The following NEDD4L variants were observed in gnomAD, a reference collection of about 807,000 sequenced individuals.
NEDD4L encodes NEDD4 like E3 ubiquitin protein ligase.
A neutral mutation model predicts 148.9 loss-of-function variants in NEDD4L; 54 were observed. The observed-to-expected ratio is 0.36, with a 90% CI of 0.29 to 0.45. The LOEUF is 0.45. Among genes scored for constraint, NEDD4L ranks in the 20% least tolerant of loss-of-function variants. The pLI is 1.00. For synonymous variants in NEDD4L, 433 were observed against 440.7 expected, an observed-to-expected ratio of 0.98 and a Z score of 0.22; for missense variants, 856 against 1,233.8, an observed-to-expected ratio of 0.69 and a Z score of 4.59.
intron 14 of NEDD4L, 81 bp downstream of exon 14, chr18:58,341,250 A>G: frequency 2.7e-6 from 4 of 1,495,048 alleles, no homozygotes; most frequent in East Asian, 2.4e-5. Flanking sequence ...CCTGGTGTTT[A>G]TGTATTGTTC....
chr18:58,382,485 A>G (rs940027540), intron 24 of NEDD4L, among the ~76,000 whole-genome samples: 1 of 152,144 alleles, frequency 6.6e-6, no homozygotes, highest in Admixed American at 6.5e-5. Context: ...TAGGTGCTAT[A>G]TTTTTCCACC....
chr18:58,187,144 G>T (rs536971301), intron 2 of NEDD4L, among the ~76,000 whole-genome samples: 6 of 152,282 alleles, frequency 3.9e-5, no homozygotes, highest in Admixed American at 3.9e-4. Context: ...CCCACGGAGG[G>T]TCTTCAGAAA....
intron 2 of NEDD4L, among the ~76,000 whole-genome samples, chr18:58,194,428 ATTGCCTTT>A (rs1251484418): frequency 2.0e-5 from 3 of 152,316 alleles, no homozygotes; most frequent in South Asian, 4.1e-4. Flanking sequence ...GTAAGAAATA[ATTGCCTTT>A]TAAAAGGGAG....
At chr18:58,348,296 C>T (rs1431210344) in intron 16 of NEDD4L, among the ~76,000 whole-genome samples, 1 of 148,690 alleles carries the variant, frequency 6.7e-6, no homozygotes, top group African/African-American at 2.5e-5. Context: ...CTGCATCTGG[C>T]CTTACACTGC....
chr18:58,318,298 G>C (rs1391574653), intron 6 of NEDD4L, among the ~76,000 whole-genome samples: 1 of 152,212 alleles, frequency 6.6e-6, no homozygotes, highest in African/African-American at 2.4e-5. Context: ...GCTCATGCCT[G>C]TAACCCCAGC....
chr18:58,291,117 G>A (rs906268256), intron 5 of NEDD4L, among the ~76,000 whole-genome samples: 18 of 147,326 alleles, frequency 1.2e-4, no homozygotes, highest in Admixed American at 4.1e-4. Context: ...CAGGCCGACC[G>A]ACCCACGTGG....
chr18:58,120,550 C>A (rs868528878), intron 1 of NEDD4L, among the ~76,000 whole-genome samples: 1 of 152,124 alleles, frequency 6.6e-6, no homozygotes, highest in African/African-American at 2.4e-5. Context: ...GAGGCTGAGG[C>A]GGGCGGATCA....
chr18:58,047,659 C>A, intron 1 of NEDD4L: 1 of 278,874 alleles, frequency 3.6e-6, no homozygotes, highest in Non-Finnish European at 5.4e-6. Flanking sequence ...AGATTCAAAA[C>A]CATCAGATGA....
chr18:58,081,239 G>A (rs1441461672), intron 1 of NEDD4L, among the ~76,000 whole-genome samples: 3 of 109,194 alleles, frequency 2.7e-5, no homozygotes, highest in Admixed American at 1.1e-4. Context: ...TTTTTGAGAT[G>A]GAGTCACGCT....
rs1290617801 is a variant in NEDD4L, at chr18:58,256,817, T to C, written c.297+4763T>C. The C allele has an allele frequency of 8.1e-7, 1 of 1,227,582 alleles. No individual in the cohort carries two copies. 76.0% of individuals were successfully genotyped at this position (1,227,582 alleles called of 1,614,324 possible). ...TTACATGTGTTTACTGATTTCAACT[T>C]CGATGCTTACTCTGCGGCGTAACCA... is the stretch of plus-strand genomic sequence containing the variant. On this transcript the variant is annotated intron_variant, in intron 5 of 30. Coordinates refer to ENST00000400345, the MANE Select transcript of NEDD4L (RefSeq NM_001144967.3). This position sits in a 1 kb window ranked among gnomAD's most constrained non-coding sequence, Gnocchi z 5.2.
chr18:58,342,882 C>G (rs764753530), intron 15 of NEDD4L, 24 bp from the exon 16 acceptor site: 1 of 1,570,996 alleles, frequency 6.4e-7, no homozygotes, highest in Non-Finnish European at 8.7e-7. Context: ...CTAAAGAGTT[C>G]TAATCCTCAT....
chr18:58,102,915 A>G (rs2084845590), intron 1 of NEDD4L, among the ~76,000 whole-genome samples: 1 of 152,200 alleles, frequency 6.6e-6, no homozygotes, highest in South Asian at 2.1e-4. Flanking sequence ...TAATCTTGAA[A>G]GTTTGATCCT....
Position 58,195,835 on chromosome 18 carries a change from G to A in NEDD4L, c.122+29974G>A, listed in dbSNP as rs185383380. On this transcript the variant is annotated intron_variant, in intron 2 of 30. Transcript: ENST00000400345. ...TGAATCCATTAGCTTTAACCCAAAT[G>A]TGCAGGATTAGGGGGATTATTTGAA... 15 of 663,230 alleles carry A rather than the reference G, an allele frequency of 2.3e-5. No individual in the cohort carries two copies. In the East Asian group the frequency reaches 4.9e-4, roughly 22 times the overall value. 41.1% of individuals were successfully genotyped at this position (663,230 alleles called of 1,614,324 possible). A position where few individuals can be genotyped will look rare whatever the true frequency, so the allele number is the denominator to read the frequency against.
At chr18:58,103,677 C>T (rs919034164) in intron 1 of NEDD4L, among the ~76,000 whole-genome samples, 14 of 151,878 alleles carry the variant, frequency 9.2e-5, no homozygotes, top group Non-Finnish European at 1.9e-4. Flanking sequence ...AATTGGTGAA[C>T]GAAGATAAAA....
chr18:58,349,419 G>T (rs373250133), intron 16 of NEDD4L, 118 bp from the exon 17 acceptor site: 2 of 734,234 alleles, frequency 2.7e-6, no homozygotes, highest in Non-Finnish European at 4.8e-6. Context: ...CCCATCTCAC[G>T]CTCCAGGCAT....
chr18:58,123,882 T>C (rs2030501155), intron 1 of NEDD4L, among the ~76,000 whole-genome samples: 1 of 152,208 alleles, frequency 6.6e-6, no homozygotes, highest in South Asian at 2.1e-4. Flanking sequence ...GGCATCTTCT[T>C]CCTGCTTCCC....
intron 19 of NEDD4L, among the ~76,000 whole-genome samples, chr18:58,362,594 GTTTATTCAT>G: frequency 6.6e-6 from 1 of 152,270 alleles, no homozygotes; most frequent in South Asian, 2.1e-4. Flanking sequence ...CACTACCACG[GTTTATTCAT>G]TGATTTCCTA....
intron 1 of NEDD4L, chr18:58,045,395 C>T: frequency 2.7e-6 from 1 of 373,020 alleles, no homozygotes; most frequent in Admixed American, 4.6e-5. Context: ...GGATTCAAAG[C>T]CCGGCACCTC....
intron 2 of NEDD4L, among the ~76,000 whole-genome samples, chr18:58,179,206 CTTA>C (rs1385401348): frequency 3.3e-5 from 5 of 152,156 alleles, no homozygotes; most frequent in Admixed American, 3.3e-4. Flanking sequence ...TTCATCTTCT[CTTA>C]TTATTGCATA....
Sources: allele counts gnomAD v4.1 joint callset (sites outside exome capture counted in the v4.1 genomes callset), GRCh38; gene constraint gnomAD v4.1.1; non-coding constraint Gnocchi (gnomAD v3.1); transcripts MANE v1.5; gene names NCBI Gene and HGNC (gene_info 2026-07-23, HGNC 2026-07-21).